TBC1D19: variants seen among roughly 807,000 people sequenced by gnomAD.
TBC1D19 encodes TBC1 domain family member 19.
In TBC1D19, 60 loss-of-function variants were observed where a neutral mutation model predicts 89.0. The ratio of observed to expected loss-of-function variants is 0.67; its 90% CI spans 0.55 to 0.84. TBC1D19 has a LOEUF of 0.84. TBC1D19 is among the 40% of genes least tolerant of loss of function. The pLI, the probability that TBC1D19 is intolerant of heterozygous loss-of-function variation, is 0.00. For missense variants in TBC1D19, 500 were observed against 610.8 expected (o/e 0.82, Z 1.91); for synonymous variants, 189 against 199.7 (o/e 0.95, Z 0.45).
intron 13 of TBC1D19, among the ~76,000 whole-genome samples, chr4:26,698,525 A>G (rs1052265935): frequency 6.6e-6 from 1 of 152,212 alleles, no homozygotes; most frequent in African/African-American, 2.4e-5. Flanking sequence ...TAAAGTTCAT[A>G]TGGAACCAAA....
intron 7 of TBC1D19, among the ~76,000 whole-genome samples, chr4:26,654,706 T>A (rs1231483053): frequency 2.0e-5 from 3 of 152,232 alleles, no homozygotes; most frequent in Non-Finnish European, 2.9e-5. Flanking sequence ...GTAGTTCTCG[T>A]GCCTTGGTTT....
At chr4:26,763,779 A>G in the TBC1D19 span, among the ~76,000 whole-genome samples, 2 of 152,372 alleles carry the variant, frequency 1.3e-5, no homozygotes, top group South Asian at 2.1e-4. Context: ...TCTTGAATAC[A>G]AACTTCTGTT....
At chr4:26,637,991 C>T (rs530956698) in intron 5 of TBC1D19, among the ~76,000 whole-genome samples, 32 of 152,192 alleles carry the variant, frequency 2.1e-4, no homozygotes, top group South Asian at 4.1e-4. Context: ...ATAGGTAATA[C>T]GGTACCATCT....
intron 19 of TBC1D19, 98 bp from the exon 20 acceptor site, chr4:26,753,722 C>A: frequency 7.7e-7 from 1 of 1,302,806 alleles, no homozygotes; most frequent in Non-Finnish European, 1.1e-6. Context: ...AGCACTAGTT[C>A]TGAGTTTCCG....
chr4:26,810,853 T>C, the TBC1D19 span, among the ~76,000 whole-genome samples: 2 of 152,176 alleles, frequency 1.3e-5, no homozygotes, highest in Non-Finnish European at 2.9e-5. Flanking sequence ...CCATACTACA[T>C]GGGGTAGGTT....
chr4:26,579,957 T>A (rs1463036573), upstream of TBC1D19, among the ~76,000 whole-genome samples: 1 of 152,178 alleles, frequency 6.6e-6, no homozygotes, highest in Non-Finnish European at 1.5e-5. Flanking sequence ...GCTTAGAAAC[T>A]TGATGTTTCT....
At chr4:26,577,779 C>T (rs927690452) in intron 1 of TBC1D19, among the ~76,000 whole-genome samples, 1 of 152,196 alleles carries the variant, frequency 6.6e-6, no homozygotes, top group African/African-American at 2.4e-5. Flanking sequence ...TGGGAGCCTA[C>T]AGCTGTATGC....
chr4:26,717,823 C>T (rs567984772), intron 13 of TBC1D19, 110 bp from the exon 14 acceptor site: 72 of 800,372 alleles, frequency 9.0e-5, no homozygotes, highest in African/African-American at 5.1e-4. Flanking sequence ...TTCTTCCCAC[C>T]GCAAGGCACG....
At chr4:26,794,195 C>A in the TBC1D19 span, among the ~76,000 whole-genome samples, 1 of 152,124 alleles carries the variant, frequency 6.6e-6, no homozygotes, top group Non-Finnish European at 1.5e-5. Flanking sequence ...GAAAAAAATT[C>A]TTATTTTAGC....
intron 7 of TBC1D19, among the ~76,000 whole-genome samples, chr4:26,650,543 C>T (rs1744290933): frequency 6.6e-6 from 1 of 152,108 alleles, no homozygotes; most frequent in African/African-American, 2.4e-5. Context: ...ATCCTTCGCC[C>T]ACTTGTTGAT....
At chr4:26,825,694 G>T in the TBC1D19 span, among the ~76,000 whole-genome samples, 3 of 152,088 alleles carry the variant, frequency 2.0e-5, no homozygotes. Context: ...CCAGACTTTT[G>T]GGTGCAACTC....
intron 15 of TBC1D19, among the ~76,000 whole-genome samples, chr4:26,735,044 A>G (rs1717935137): frequency 6.6e-6 from 1 of 151,352 alleles, no homozygotes; most frequent in South Asian, 2.1e-4. Flanking sequence ...GTATATGTGT[A>G]CACACATGTA....
At chr4:26,737,965 A>T (rs1718140433) in intron 16 of TBC1D19, among the ~76,000 whole-genome samples, 1 of 152,008 alleles carries the variant, frequency 6.6e-6, no homozygotes, top group Non-Finnish European at 1.5e-5. Flanking sequence ...GTTTTATTGT[A>T]GGTGTATAGT....
At chr4:26,775,791 GCTTTCCCTTT>G in the TBC1D19 span, among the ~76,000 whole-genome samples, 2 of 152,000 alleles carry the variant, frequency 1.3e-5, no homozygotes, top group African/African-American at 4.8e-5. Flanking sequence ...CAAATAAAGG[GCTTTCCCTTT>G]ATTTGTCAGT....
At chr4:26,821,572 A>G in the TBC1D19 span, among the ~76,000 whole-genome samples, 1 of 152,202 alleles carries the variant, frequency 6.6e-6, no homozygotes. Flanking sequence ...TTGAAATCTC[A>G]CAGGACCTAG....
At chr4:26,742,670 C>A in intron 18 of TBC1D19, 71 bp downstream of exon 18, 1 of 1,179,824 alleles carries the variant, frequency 8.5e-7, no homozygotes, top group Admixed American at 2.1e-5. Flanking sequence ...CATTGCAGAG[C>A]ACTTGCAAAT....
At chr4:26,647,867 C>T (rs1480299660) in intron 7 of TBC1D19, among the ~76,000 whole-genome samples, 2 of 151,986 alleles carry the variant, frequency 1.3e-5, no homozygotes, top group Non-Finnish European at 2.9e-5. Context: ...ACTGGCTCTT[C>T]TGCTTGGAAC....
At chr4:26,753,771 C>T (rs377080062) in intron 19 of TBC1D19, 49 bp from the exon 20 acceptor site, 188 of 1,606,246 alleles carry the variant, frequency 1.2e-4, no homozygotes, top group African/African-American at 4.4e-4. Flanking sequence ...GTAACCGTGC[C>T]GGGCTGATGA....
the TBC1D19 span, among the ~76,000 whole-genome samples, chr4:26,800,379 C>G: frequency 3.9e-5 from 6 of 152,180 alleles, no homozygotes; most frequent in African/African-American, 1.2e-4. Flanking sequence ...TACATATGTG[C>G]TACATTTTCT....
Sources: allele counts gnomAD v4.1 joint callset (sites outside exome capture counted in the v4.1 genomes callset), GRCh38; gene constraint gnomAD v4.1.1; transcripts MANE v1.5; gene names NCBI Gene and HGNC (gene_info 2026-07-23, HGNC 2026-07-21).